The following KIRREL3 variants were observed in gnomAD, a reference collection of about 807,000 sequenced individuals.
KIRREL3 encodes the protein kirre like nephrin family adhesion molecule 3.
Under a neutral mutation model 89.7 loss-of-function variants are expected in KIRREL3, and 36 were observed. That is an observed-to-expected ratio of 0.40 (90% CI 0.31 to 0.53). KIRREL3 has a LOEUF of 0.53. KIRREL3 is among the 20% of genes least tolerant of loss of function. The probability of loss-of-function intolerance (pLI) is 0.49; values close to 1 mark genes in which losing one functional copy is unlikely to be tolerated. For missense variants in KIRREL3, 864 were observed against 1,056.6 expected (o/e 0.82, Z 2.53); for synonymous variants, 445 against 441.4 (o/e 1.01, Z -0.10).
chr11:126,894,519 G>GGCA (rs1245389650), intron 1 of KIRREL3, among the ~76,000 whole-genome samples: 18 of 106,900 alleles, frequency 1.7e-4, no homozygotes, highest in African/African-American at 6.7e-4. Context: ...GACCAGCCTG[G>GGCA]GCAACATAAT....
In KIRREL3 at chr11:126,560,753, C is replaced by A. The variant is rs528917663; in HGVS notation, c.133+2082G>T. Reference sequence around the variant, plus strand: ...TTATATTTATTCTAAATGGGAAATACAATGATCATCAACTTATCTTTAAGG... The same window carrying A: ...TTATATTTATTCTAAATGGGAAATAAAATGATCATCAACTTATCTTTAAGG... On this transcript the variant is annotated intron_variant, in intron 2 of 16. Coordinates refer to ENST00000525144, the MANE Select transcript of KIRREL3 (RefSeq NM_032531.4). Among the ~76,000 whole-genome samples, 3 of 152,282 alleles carry A rather than the reference C, an allele frequency of 2.0e-5. No homozygotes were observed. In the East Asian group the frequency reaches 5.8e-4, roughly 29 times the overall value.
chr11:127,001,506 C>T (rs940436826), upstream of KIRREL3, among the ~76,000 whole-genome samples: 1 of 152,140 alleles, frequency 6.6e-6, no homozygotes, highest in African/African-American at 2.4e-5. Flanking sequence ...CATTCAGAGC[C>T]TCTCCTCTAA....
At chr11:126,922,469 G>A (rs1274997212) in intron 1 of KIRREL3, among the ~76,000 whole-genome samples, 1 of 151,870 alleles carries the variant, frequency 6.6e-6, no homozygotes, top group South Asian at 2.1e-4. Context: ...ACTCATCATC[G>A]TGTGCCTGAT....
At chr11:126,929,931 A>G (rs1252649974) in intron 1 of KIRREL3, among the ~76,000 whole-genome samples, 2 of 117,816 alleles carry the variant, frequency 1.7e-5, no homozygotes, top group African/African-American at 3.7e-5. Context: ...ATTGCATCAG[A>G]GGGCTGTGGG....
chr11:126,655,686 G>A lies in KIRREL3; in HGVS notation c.56-92774C>T, dbSNP rs1164285341. Among the ~76,000 whole-genome samples, 2 of 152,154 alleles carry A rather than the reference G, an allele frequency of 1.3e-5. No homozygotes were observed. Among genetic ancestry groups the A allele is most frequent in the Non-Finnish European group, 1.5e-5 (1 of 68,022 alleles). On this transcript the variant is annotated intron_variant, in intron 1 of 16. Coordinates refer to ENST00000525144, the MANE Select transcript of KIRREL3 (RefSeq NM_032531.4). The surrounding 1 kb of genome is among the most constrained non-coding windows in gnomAD (Gnocchi z 5.0). Reference sequence around the variant, plus strand: ...ACCCTGGGAGAGGCTTATGAAGGCTGTGTCTCAAGCATTTCAGGGGGCTGC... The same window carrying A: ...ACCCTGGGAGAGGCTTATGAAGGCTATGTCTCAAGCATTTCAGGGGGCTGC...
rs1946235022 is a variant in KIRREL3 at position 126,898,026 on chromosome 11, A to G, written c.55+102429T>C. On this transcript the variant is annotated intron_variant, in intron 1 of 16. Transcript: ENST00000525144. This position sits in a 1 kb window ranked among gnomAD's most constrained non-coding sequence, Gnocchi z 4.9. ...GAATTCCTACAGAATCTTAGCAGTC[A>G]TTGTGTGGCCTGGAGCTCACATGGG... Among the ~76,000 whole-genome samples the G allele has an allele frequency of 6.6e-6, 1 of 152,180 alleles. No individual in the cohort carries two copies. The highest frequency in any genetic ancestry group is 1.5e-5 in the Non-Finnish European group (1 of 68,034).
chr11:126,431,667 A>C lies in KIRREL3; in HGVS notation c.1589-141T>G. The C allele has an allele frequency of 2.5e-6, 2 of 815,988 alleles. No individual in the cohort carries two copies. The highest frequency in any genetic ancestry group is 3.9e-6 in the Non-Finnish European group (2 of 512,174). The allele number at this position is 815,988 out of a possible 1,614,324, so 50.5% of individuals were successfully genotyped here. On this transcript the variant is annotated intron_variant, in intron 13 of 16. Coordinates refer to ENST00000525144, the MANE Select transcript of KIRREL3 (RefSeq NM_032531.4). The surrounding 1 kb of genome is among the most constrained non-coding windows in gnomAD (Gnocchi z 7.1). ...ATGCCTCAGTGGGGCCTGGGCAGGC[A>C]CAGGCCGAGTCCAACTGGGGTCAGC...
intron 1 of KIRREL3, among the ~76,000 whole-genome samples, chr11:126,819,694 A>G (rs1184863823): frequency 6.6e-6 from 1 of 152,268 alleles, no homozygotes; most frequent in African/African-American, 2.4e-5. Context: ...GGCCACAGGC[A>G]TCACTGAGGC....
rs1948937047 is a variant in KIRREL3 at position 126,740,277 on chromosome 11, A to C, written c.56-177365T>G. Among the ~76,000 whole-genome samples the C allele has an allele frequency of 6.6e-6, 1 of 152,254 alleles. No individual in the cohort carries two copies. The highest frequency in any genetic ancestry group is 1.5e-5 in the Non-Finnish European group (1 of 68,046). On this transcript the variant is annotated intron_variant, in intron 1 of 16. Transcript: ENST00000525144. This position sits in a 1 kb window ranked among gnomAD's most constrained non-coding sequence, Gnocchi z 6.0. The stretch of plus-strand genomic sequence containing the variant: ...TACGGTGATTAATGGAAGAAAATGC[A>C]GATGGGGCTGAATTGAAGCAACAGC...
chr11:126,435,053 G>A (rs1285167391), intron 13 of KIRREL3, among the ~76,000 whole-genome samples: 3 of 152,136 alleles, frequency 2.0e-5, no homozygotes, highest in Non-Finnish European at 4.4e-5. Context: ...GGTTCCGGCG[G>A]CAGGCAGGAG....
chr11:126,709,123 C>T lies in KIRREL3; in HGVS notation c.56-146211G>A, dbSNP rs1423373464. On this transcript the variant is annotated intron_variant, in intron 1 of 16. Transcript: ENST00000525144. This position sits in a 1 kb window ranked among gnomAD's most constrained non-coding sequence, Gnocchi z 4.0. ...TACACTGTGCTGGGTCACTGTGTTA[C>T]GCTATGTGCTTGTTTCATTTAATAC... Among the ~76,000 whole-genome samples, 4 of 152,172 alleles carry T rather than the reference C, an allele frequency of 2.6e-5. No homozygotes were observed. Among genetic ancestry groups the T allele is most frequent in the African/African-American group, 7.2e-5 (3 of 41,428 alleles).
intron 1 of KIRREL3, among the ~76,000 whole-genome samples, chr11:126,738,947 G>T (rs906973512): frequency 6.6e-6 from 1 of 152,178 alleles, no homozygotes; most frequent in African/African-American, 2.4e-5. Flanking sequence ...ATCAAACTAT[G>T]ATTTTTTTGA....
intron 1 of KIRREL3, among the ~76,000 whole-genome samples, chr11:126,956,366 A>G (rs1348816169): frequency 6.6e-6 from 1 of 152,104 alleles, no homozygotes; most frequent in African/African-American, 2.4e-5. Flanking sequence ...ATTCCATCTG[A>G]CAAAGTCTCT....
rs187672240 is a variant in KIRREL3, at chr11:126,512,572, C to A, written c.433+8743G>T. Reference sequence around the variant, plus strand: ...GGGCCTCCTCCAGGCAGCTGCCCCCCGCATGTTATAGGAAGGGGCTTAGAT... The same window carrying A: ...GGGCCTCCTCCAGGCAGCTGCCCCCAGCATGTTATAGGAAGGGGCTTAGAT... On this transcript the variant is annotated intron_variant, in intron 4 of 16. Transcript: ENST00000525144. Among the ~76,000 whole-genome samples, 12 of 152,256 alleles carry A rather than the reference C, an allele frequency of 7.9e-5. No individual in the cohort carries two copies. The East Asian group carries it at 2.1e-3, about 27-fold the overall frequency.
intron 1 of KIRREL3, among the ~76,000 whole-genome samples, chr11:126,584,264 G>A (rs1030699648): frequency 4.6e-5 from 7 of 152,180 alleles, no homozygotes; most frequent in African/African-American, 1.7e-4. Context: ...TTGGTGCCCC[G>A]GAATTAGGGC....
At chr11:126,915,578 A>G (rs1035963296) in intron 1 of KIRREL3, among the ~76,000 whole-genome samples, 1 of 152,188 alleles carries the variant, frequency 6.6e-6, no homozygotes, top group Non-Finnish European at 1.5e-5. Flanking sequence ...AGTTTTGTCC[A>G]AGCGAGACAG....
At chr11:126,832,850 T>G (rs1319828687) in intron 1 of KIRREL3, among the ~76,000 whole-genome samples, 2 of 152,192 alleles carry the variant, frequency 1.3e-5, no homozygotes, top group African/African-American at 4.8e-5. Context: ...TTGTTTCGTG[T>G]TTCTGTTTGG....
rs970921245 is a variant in KIRREL3 at position 126,606,803 on chromosome 11, CCTT to C, written c.56-43894_56-43892del. Reference sequence around the variant, plus strand: ...TAAGTGCCATACCTCTACATGCTGGCCTTCTTCTGCACTCTTTTTTTCTTTCTT... The same window carrying C: ...TAAGTGCCATACCTCTACATGCTGGCCTTCTGCACTCTTTTTTTCTTTCTT... On this transcript the variant is annotated intron_variant, in intron 1 of 16. Transcript: ENST00000525144. This position sits in a 1 kb window ranked among gnomAD's most constrained non-coding sequence, Gnocchi z 4.6. Among the ~76,000 whole-genome samples the C allele has an allele frequency of 1.3e-5, 2 of 152,078 alleles. No individual in the cohort carries two copies. The highest frequency in any genetic ancestry group is 1.3e-4 in the Admixed American group (2 of 15,278).
At chr11:126,944,159 TC>T (rs1157754943) in intron 1 of KIRREL3, among the ~76,000 whole-genome samples, 14 of 152,146 alleles carry the variant, frequency 9.2e-5, no homozygotes, top group African/African-American at 3.4e-4. Flanking sequence ...CACCCTTTGG[TC>T]CTCCTATTAT....
Sources: allele counts gnomAD v4.1 joint callset (sites outside exome capture counted in the v4.1 genomes callset), GRCh38; gene constraint gnomAD v4.1.1; non-coding constraint Gnocchi (gnomAD v3.1); transcripts MANE v1.5; gene names NCBI Gene and HGNC (gene_info 2026-07-23, HGNC 2026-07-21).